Variants in HMGCLL1 observed in about 807,000 individuals in gnomAD.
HMGCLL1 encodes the protein 3-hydroxymethyl-3-methylglutaryl-CoA lyase, cytoplasmic.
In HMGCLL1, 36 loss-of-function variants were observed where a neutral mutation model predicts 39.1. The ratio of observed to expected loss-of-function variants is 0.92; its 90% CI spans 0.71 to 1.22. The LOEUF is 1.22. HMGCLL1 is among the 50% of genes most tolerant of loss of function. The pLI is 0.00. For synonymous variants in HMGCLL1, 149 were observed against 144.0 expected (o/e 1.03, Z -0.25); for missense variants, 451 against 416.5 (o/e 1.08, Z -0.72).
At chr6:55,674,935 G>A in the HMGCLL1 span, among the ~76,000 whole-genome samples, 1 of 152,018 alleles carries the variant, frequency 6.6e-6, no homozygotes, top group Admixed American at 6.6e-5. Flanking sequence ...TTTGGAAGTG[G>A]AAAGAAATGA....
the HMGCLL1 span, among the ~76,000 whole-genome samples, chr6:55,678,647 CA>C: frequency 6.6e-6 from 1 of 151,976 alleles, no homozygotes; most frequent in Non-Finnish European, 1.5e-5. Flanking sequence ...AACAAACAAA[CA>C]AAAAAACTAG....
intron 7 of HMGCLL1, among the ~76,000 whole-genome samples, chr6:55,461,525 G>T (rs1764565585): frequency 6.6e-6 from 1 of 151,934 alleles, no homozygotes; most frequent in Admixed American, 6.6e-5. Context: ...CAGAATACTT[G>T]GAATAAGGTA....
intron 7 of HMGCLL1, among the ~76,000 whole-genome samples, chr6:55,460,706 C>T: frequency 6.6e-6 from 1 of 151,856 alleles, no homozygotes; most frequent in East Asian, 1.9e-4. Context: ...AAACACTTTT[C>T]TAAAATAAAT....
At chr6:55,453,469 T>C (rs1173118115) in intron 7 of HMGCLL1, among the ~76,000 whole-genome samples, 4 of 152,192 alleles carry the variant, frequency 2.6e-5, no homozygotes, top group South Asian at 4.1e-4. Flanking sequence ...GGCCAGAAGA[T>C]TTTAATGAGA....
chr6:55,462,204 T>A (rs1764597135), intron 7 of HMGCLL1, among the ~76,000 whole-genome samples: 1 of 152,206 alleles, frequency 6.6e-6, no homozygotes, highest in Non-Finnish European at 1.5e-5. Flanking sequence ...TCCTTCTCTA[T>A]GCTTACCTTT....
chr6:55,435,812 A>G (rs559682116), intron 8 of HMGCLL1, 49 bp from the exon 9 acceptor site: 2 of 943,082 alleles, frequency 2.1e-6, no homozygotes, highest in African/African-American at 3.4e-5. Flanking sequence ...ATTAGAGAGA[A>G]AAAAGATAAA....
the HMGCLL1 span, among the ~76,000 whole-genome samples, chr6:55,678,770 CT>C: frequency 1.3e-5 from 2 of 152,178 alleles, no homozygotes; most frequent in East Asian, 3.9e-4. Flanking sequence ...ACAGAATTAT[CT>C]TTTTTAACCA....
chr6:55,473,060 C>T (rs939677958), intron 7 of HMGCLL1, among the ~76,000 whole-genome samples: 4 of 151,104 alleles, frequency 2.6e-5, no homozygotes, highest in Non-Finnish European at 5.9e-5. Context: ...TATTGCTACC[C>T]CAGCTTTCAT....
At chr6:55,521,431 G>A (rs930752631) in intron 3 of HMGCLL1, among the ~76,000 whole-genome samples, 1 of 152,032 alleles carries the variant, frequency 6.6e-6, no homozygotes, top group Non-Finnish European at 1.5e-5. Context: ...ACAAATTGAA[G>A]GCTTGTGGGA....
At chr6:55,545,029 TCA>T (rs1191106804) in intron 1 of HMGCLL1, among the ~76,000 whole-genome samples, 4 of 152,156 alleles carry the variant, frequency 2.6e-5, no homozygotes, top group African/African-American at 9.6e-5. Flanking sequence ...TAAGAAAAGC[TCA>T]CTCTTCTTTC....
At chr6:55,619,005 G>GA in the HMGCLL1 span, among the ~76,000 whole-genome samples, 896 of 152,062 alleles carry the variant, frequency 5.9e-3, 4 homozygotes, top group Non-Finnish European at 0.01. Flanking sequence ...CCAAACACAA[G>GA]AAAAAACAAA....
chr6:55,543,522 AT>A (rs1164209974), intron 1 of HMGCLL1, among the ~76,000 whole-genome samples: 4 of 109,762 alleles, frequency 3.6e-5, no homozygotes, highest in Admixed American at 3.4e-4. Context: ...TAATATATAT[AT>A]TTTTATGTGT....
At chr6:55,454,243 T>G (rs1274943076) in intron 7 of HMGCLL1, among the ~76,000 whole-genome samples, 1 of 152,104 alleles carries the variant, frequency 6.6e-6, no homozygotes, top group Non-Finnish European at 1.5e-5. Context: ...GCACGAGGCT[T>G]CCCATATGCT....
chr6:55,617,640 G>A, the HMGCLL1 span, among the ~76,000 whole-genome samples: 4 of 152,070 alleles, frequency 2.6e-5, no homozygotes, highest in African/African-American at 4.8e-5. Flanking sequence ...GTTGGTTGGC[G>A]AGAATGTAGA....
chr6:55,536,273 T>A (rs888184098), intron 3 of HMGCLL1, among the ~76,000 whole-genome samples: 5 of 152,214 alleles, frequency 3.3e-5, no homozygotes, highest in Admixed American at 6.5e-5. Flanking sequence ...ACCCATCTAT[T>A]CCAACAGTTA....
intron 7 of HMGCLL1, among the ~76,000 whole-genome samples, chr6:55,494,731 A>C (rs1286691398): frequency 6.6e-6 from 1 of 152,212 alleles, no homozygotes; most frequent in Non-Finnish European, 1.5e-5. Context: ...GAGAATATCA[A>C]ACAAATCATT....
At chr6:55,623,726 T>C in the HMGCLL1 span, among the ~76,000 whole-genome samples, 51,913 of 149,546 alleles carry the variant, frequency 0.35, 9,362 homozygotes, top group African/African-American at 0.44. Flanking sequence ...TACATATATA[T>C]GCATATGATA....
chr6:55,587,183 A>G, the HMGCLL1 span, among the ~76,000 whole-genome samples: 1 of 152,102 alleles, frequency 6.6e-6, no homozygotes, highest in African/African-American at 2.4e-5. Context: ...TTGGCTGCAT[A>G]AATGTCTTCT....
intron 7 of HMGCLL1, among the ~76,000 whole-genome samples, chr6:55,487,209 T>G (rs1013610491): frequency 1.3e-5 from 2 of 152,136 alleles, no homozygotes; most frequent in Non-Finnish European, 2.9e-5. Context: ...TACTTTTTTT[T>G]TTACAATTTG....
Sources: allele counts gnomAD v4.1 joint callset (sites outside exome capture counted in the v4.1 genomes callset), GRCh38; gene constraint gnomAD v4.1.1; transcripts MANE v1.5; gene names NCBI Gene and HGNC (gene_info 2026-07-23, HGNC 2026-07-21).